The following TRMT9B variants were observed in gnomAD, a reference collection of about 807,000 sequenced individuals.
TRMT9B encodes probable tRNA methyltransferase 9B.
TRMT9B carries 16 observed loss-of-function variants against 11.5 expected under a neutral mutation model. The ratio of observed to expected loss-of-function variants is 1.39; its 90% CI spans 0.94 to 2.11. The LOEUF (loss-of-function observed/expected upper bound fraction) is 2.11, where lower values mean the gene tolerates loss of function less well. TRMT9B is among the 30% of genes most tolerant of loss of function. The pLI is 0.00. For synonymous variants in TRMT9B, 274 were observed against 192.4 expected (o/e 1.42, Z -3.51); for missense variants, 941 against 553.8 (o/e 1.70, Z -7.02).
intron 4 of TRMT9B, among the ~76,000 whole-genome samples, chr8:13,015,299 G>C (rs554696952): frequency 1.5e-3 from 223 of 149,940 alleles, no homozygotes; most frequent in Admixed American, 3.1e-3. Context: ...ATCATTTGTT[G>C]TCATTTAACT....
intron 1 of TRMT9B, among the ~76,000 whole-genome samples, chr8:12,971,552 A>G (rs976098099): frequency 2.6e-5 from 4 of 152,226 alleles, no homozygotes; most frequent in South Asian, 2.1e-4. Flanking sequence ...GATATCCAGT[A>G]TACAGTTGAC....
chr8:12,951,947 G>A (rs903109784), intron 1 of TRMT9B: 3 of 153,142 alleles, frequency 2.0e-5, no homozygotes, highest in African/African-American at 7.3e-5. Flanking sequence ...GCCCCGACAC[G>A]AGCCCCGGCC....
chr8:12,981,515 C>T (rs1031090754), intron 1 of TRMT9B, among the ~76,000 whole-genome samples: 2 of 152,106 alleles, frequency 1.3e-5, no homozygotes, highest in African/African-American at 4.8e-5. Flanking sequence ...AGATTGGAGA[C>T]CATTATATTA....
intron 3 of TRMT9B, 67 bp downstream of exon 3, chr8:13,006,423 GC>G: frequency 6.5e-7 from 1 of 1,532,396 alleles, no homozygotes; most frequent in Non-Finnish European, 8.8e-7. Context: ...AGGTAACCAG[GC>G]AGCCTCATCG....
intron 2 of TRMT9B, among the ~76,000 whole-genome samples, chr8:12,999,490 C>T (rs1368294149): frequency 1.3e-5 from 2 of 151,916 alleles, no homozygotes; most frequent in Non-Finnish European, 2.9e-5. Flanking sequence ...TAAATATATG[C>T]AGTTTGTTAT....
Position 13,023,839 on chromosome 8 carries a change from G to A in TRMT9B, c.*1795G>A, listed in dbSNP as rs1038069072. ...ACAAACTTAAAGAAATATTTTTAAAGCGTATCTGAAAACGATTGATGTTTA... is the reference window on the plus strand; with the variant it reads ...ACAAACTTAAAGAAATATTTTTAAAACGTATCTGAAAACGATTGATGTTTA... On this transcript the variant is annotated 3_prime_UTR_variant, in exon 5 of 5. Coordinates refer to ENST00000524591, the MANE Select transcript of TRMT9B (RefSeq NM_020844.3). 2 of 166,602 alleles carry A rather than the reference G, an allele frequency of 1.2e-5. No homozygotes were observed. Among genetic ancestry groups the A allele is most frequent in the African/African-American group, 4.8e-5 (2 of 41,368 alleles). 10.3% of individuals were successfully genotyped at this position (166,602 alleles called of 1,614,324 possible). A position where few individuals can be genotyped will look rare whatever the true frequency, so the allele number is the denominator to read the frequency against.
intron 1 of TRMT9B, among the ~76,000 whole-genome samples, chr8:12,972,063 G>A (rs922065362): frequency 1.3e-5 from 2 of 152,152 alleles, no homozygotes; most frequent in Admixed American, 1.3e-4. Flanking sequence ...GTAGAGTCTG[G>A]GAGGGAAAAC....
At chr8:12,951,053 G>A (rs1447313571) in intron 1 of TRMT9B, among the ~76,000 whole-genome samples, 1 of 152,122 alleles carries the variant, frequency 6.6e-6, no homozygotes, top group Admixed American at 6.5e-5. Context: ...ATTACGTTAG[G>A]GACCTGGAAG....
At chr8:12,989,471 A>C (rs1806946215) in intron 1 of TRMT9B, among the ~76,000 whole-genome samples, 1 of 152,280 alleles carries the variant, frequency 6.6e-6, no homozygotes, top group South Asian at 2.1e-4. Flanking sequence ...GCGTATAGAC[A>C]AGCCTCCTGC....
At chr8:12,950,782 T>G (rs2946509) in intron 1 of TRMT9B, among the ~76,000 whole-genome samples, 83,308 of 151,786 alleles carry the variant, frequency 0.55, 24,834 homozygotes, top group African/African-American at 0.78. Context: ...CCTGTAGTTG[T>G]GTCCTCACAA....
chr8:13,011,732 C>CA, intron 3 of TRMT9B: 1 of 970,376 alleles, frequency 1.0e-6, no homozygotes, highest in Non-Finnish European at 1.2e-6. Flanking sequence ...AAGTGAATAT[C>CA]AAAAATTGTC....
intron 2 of TRMT9B, among the ~76,000 whole-genome samples, chr8:12,999,052 G>C (rs1808883742): frequency 6.6e-6 from 1 of 152,056 alleles, no homozygotes; most frequent in Non-Finnish European, 1.5e-5. Flanking sequence ...TGTAATCCTA[G>C]CACTTTGGTA....
chr8:13,017,816 G>A (rs1813020588), intron 4 of TRMT9B, among the ~76,000 whole-genome samples: 1 of 151,056 alleles, frequency 6.6e-6, no homozygotes, highest in Non-Finnish European at 1.5e-5. Flanking sequence ...TAGAGATGGG[G>A]TTTCACTATG....
At chr8:12,973,314 T>C (rs1251581890) in intron 1 of TRMT9B, among the ~76,000 whole-genome samples, 1 of 152,128 alleles carries the variant, frequency 6.6e-6, no homozygotes, top group Non-Finnish European at 1.5e-5. Flanking sequence ...ATGCACAGCA[T>C]CGTGGGAGAA....
chr8:13,016,426 A>G (rs1333566340), intron 4 of TRMT9B, among the ~76,000 whole-genome samples: 2 of 149,086 alleles, frequency 1.3e-5, no homozygotes, highest in African/African-American at 4.9e-5. Flanking sequence ...GAAGTATACT[A>G]TGAGAAATTT....
At chr8:13,000,877 C>G (rs985297057) in intron 2 of TRMT9B, among the ~76,000 whole-genome samples, 1 of 152,090 alleles carries the variant, frequency 6.6e-6, no homozygotes, top group African/African-American at 2.4e-5. Context: ...AGGGCTAGAA[C>G]AGGGTATGGA....
rs376304359 is a variant in TRMT9B at position 12,961,542 on chromosome 8, A to C, written c.-200+15576A>C. On this transcript the variant is annotated intron_variant, in intron 1 of 4. Coordinates refer to ENST00000524591, the MANE Select transcript of TRMT9B (RefSeq NM_020844.3). ...CGGTGAAACCCCGTCTCTACTAAAA[A>C]CACAAAAAATTAGCTGGGCGTGGTG... is the stretch of plus-strand genomic sequence containing the variant. 6.2e-3 allele frequency among the ~76,000 whole-genome samples: 941 copies of C among 151,578 alleles called. 10 individuals are homozygous for C. Among genetic ancestry groups the C allele is most frequent in the African/African-American group, 0.021 (888 of 41,306 alleles).
At chr8:13,012,645 C>T in intron 3 of TRMT9B, 39 bp from the exon 4 acceptor site, 5 of 1,540,794 alleles carry the variant, frequency 3.2e-6, no homozygotes, top group African/African-American at 1.4e-5. Context: ...TCACATTTTC[C>T]ATTGAGGATA....
intron 1 of TRMT9B, among the ~76,000 whole-genome samples, chr8:12,967,196 A>T (rs1456289867): frequency 6.6e-6 from 1 of 152,230 alleles, no homozygotes; most frequent in Non-Finnish European, 1.5e-5. Flanking sequence ...ATGATCATCC[A>T]AAGATATGCA....
Sources: gnomAD v4.1 joint callset for allele counts (sites outside exome capture counted in the v4.1 genomes callset) on GRCh38, gnomAD v4.1.1 for gene constraint, MANE v1.5 for transcripts, NCBI Gene and HGNC (gene_info 2026-07-23, HGNC 2026-07-21) for gene names.